Variants in CYYR1 observed in about 807,000 individuals in gnomAD.
CYYR1 encodes cysteine and tyrosine-rich protein 1.
CYYR1 carries 14 observed loss-of-function variants against 15.2 expected under a neutral mutation model. The observed-to-expected ratio is 0.92, with a 90% CI of 0.61 to 1.44. The LOEUF (loss-of-function observed/expected upper bound fraction) is 1.44. Among genes scored for constraint, CYYR1 ranks in the 40% most tolerant of loss-of-function variants. The pLI is 0.00. For missense variants in CYYR1, 228 were observed against 209.5 expected (o/e 1.09, Z -0.54); for synonymous variants, 80 against 77.4 (o/e 1.03, Z -0.18).
rs1324746543 is a variant in CYYR1 at position 26,573,200 on chromosome 21, A to T, written c.-260T>A. 2 of 1,447,070 alleles carry T rather than the reference A, an allele frequency of 1.4e-6. No individual in the cohort carries two copies. Among genetic ancestry groups the T allele is most frequent in the Non-Finnish European group, 1.8e-6 (2 of 1,094,608 alleles). The allele number at this position is 1,447,070 out of a possible 1,614,324, so 89.6% of individuals were successfully genotyped here. ...GGCCCAGGTCTCTTTGTCTCGCCCC[A>T]CTGCGCTCAGGCGCGGGGAAGGCGG... is the stretch of plus-strand genomic sequence containing the variant. On this transcript the variant is annotated 5_prime_UTR_variant, in exon 1 of 4. Coordinates refer to ENST00000652641, the MANE Select transcript of CYYR1 (RefSeq NM_001320768.2).
intron 2 of CYYR1, among the ~76,000 whole-genome samples, chr21:26,544,002 T>C (rs1409124149): frequency 6.6e-6 from 1 of 152,174 alleles, no homozygotes; most frequent in Non-Finnish European, 1.5e-5. Flanking sequence ...TGGAAAGCTA[T>C]TGTGCTCTAT....
intron 2 of CYYR1, among the ~76,000 whole-genome samples, chr21:26,512,590 C>T (rs1601775019): frequency 6.6e-6 from 1 of 152,266 alleles, no homozygotes; most frequent in East Asian, 1.9e-4. Context: ...TAGCTAAGAA[C>T]ATTCTGTTTT....
At chr21:26,471,529 G>A (rs1387596445) in intron 3 of CYYR1, 3 of 152,194 alleles carry the variant, frequency 2.0e-5, no homozygotes, top group Non-Finnish European at 4.4e-5. Context: ...TTTTGGTAAA[G>A]TTCTGATGTA....
intron 2 of CYYR1, among the ~76,000 whole-genome samples, chr21:26,562,727 A>AACACACACACACACACACAC (rs58990363): frequency 7.6e-6 from 1 of 131,612 alleles, no homozygotes; most frequent in African/African-American, 2.9e-5. Flanking sequence ...TCTCCTCCTA[A>AACACACACACACACACACAC]ACACACACAC....
At chr21:26,531,927 A>G (rs924912003) in intron 2 of CYYR1, among the ~76,000 whole-genome samples, 1 of 152,156 alleles carries the variant, frequency 6.6e-6, no homozygotes, top group African/African-American at 2.4e-5. Flanking sequence ...ACTGTTGCCA[A>G]TGCTTGAAAC....
At chr21:26,538,486 A>G (rs1978335894) in intron 2 of CYYR1, among the ~76,000 whole-genome samples, 1 of 152,050 alleles carries the variant, frequency 6.6e-6, no homozygotes, top group Non-Finnish European at 1.5e-5. Context: ...ATTTCTCTCA[A>G]TATTTTAATT....
chr21:26,538,062 T>C (rs950945065), intron 2 of CYYR1, among the ~76,000 whole-genome samples: 41 of 152,318 alleles, frequency 2.7e-4, no homozygotes, highest in Non-Finnish European at 5.1e-4. Context: ...AGAGTAGCGA[T>C]CACCACGGAG....
chr21:26,491,021 C>T (rs554418200), intron 2 of CYYR1, among the ~76,000 whole-genome samples: 1 of 152,252 alleles, frequency 6.6e-6, no homozygotes, highest in African/African-American at 2.4e-5. Context: ...GTGTAGAATG[C>T]TTTCCCTATG....
intron 2 of CYYR1, among the ~76,000 whole-genome samples, chr21:26,495,764 C>T (rs1311191873): frequency 6.6e-6 from 1 of 152,216 alleles, no homozygotes; most frequent in East Asian, 1.9e-4. Flanking sequence ...TTATTTGTTT[C>T]AGCAGCATAA....
intron 1 of CYYR1, among the ~76,000 whole-genome samples, chr21:26,572,070 G>C (rs1981041630): frequency 6.6e-6 from 1 of 152,150 alleles, no homozygotes; most frequent in Non-Finnish European, 1.5e-5. Context: ...GAGGCTCAGG[G>C]GTGAGCCTGC....
At chr21:26,473,814 T>G (rs1452389034) in intron 3 of CYYR1, among the ~76,000 whole-genome samples, 1 of 152,096 alleles carries the variant, frequency 6.6e-6, no homozygotes, top group African/African-American at 2.4e-5. Context: ...ACATCACCTT[T>G]TTACTCTAAT....
intron 2 of CYYR1, among the ~76,000 whole-genome samples, chr21:26,503,931 T>C (rs2065516693): frequency 6.6e-6 from 1 of 152,134 alleles, no homozygotes; most frequent in African/African-American, 2.4e-5. Flanking sequence ...TAAAAACTAT[T>C]CAAAAAGGCT....
chr21:26,483,590 C>G (rs561915026), intron 2 of CYYR1, among the ~76,000 whole-genome samples: 7 of 152,184 alleles, frequency 4.6e-5, no homozygotes, highest in African/African-American at 1.4e-4. Flanking sequence ...GAGCATCAGC[C>G]TCACTGCCAA....
intron 2 of CYYR1, among the ~76,000 whole-genome samples, chr21:26,540,345 G>A (rs940401378): frequency 1.3e-5 from 2 of 152,206 alleles, no homozygotes; most frequent in African/African-American, 2.4e-5. Flanking sequence ...TTTGGCTAAC[G>A]GCATGCCCCA....
chr21:26,534,424 C>T (rs1243495371), intron 2 of CYYR1, among the ~76,000 whole-genome samples: 3 of 152,130 alleles, frequency 2.0e-5, no homozygotes, highest in African/African-American at 4.8e-5. Flanking sequence ...CTCTACCTTG[C>T]TCCATCTTGC....
chr21:26,509,967 A>G (rs995871112), intron 2 of CYYR1, among the ~76,000 whole-genome samples: 1 of 152,202 alleles, frequency 6.6e-6, no homozygotes, highest in Non-Finnish European at 1.5e-5. Flanking sequence ...GATCTTCTTA[A>G]GATGCAGTGT....
intron 2 of CYYR1, among the ~76,000 whole-genome samples, chr21:26,502,755 G>T (rs1314974881): frequency 2.0e-5 from 3 of 151,956 alleles, no homozygotes; most frequent in African/African-American, 4.8e-5. Flanking sequence ...TTGTTTCTAT[G>T]TTGTAATATG....
chr21:26,525,341 T>C (rs151214730), intron 2 of CYYR1, among the ~76,000 whole-genome samples: 44 of 152,304 alleles, frequency 2.9e-4, no homozygotes, highest in Non-Finnish European at 5.1e-4. Flanking sequence ...TTTATTGCAG[T>C]CATTTCATCC....
intron 2 of CYYR1, among the ~76,000 whole-genome samples, chr21:26,534,599 C>A (rs2065973069): frequency 6.6e-6 from 1 of 152,092 alleles, no homozygotes; most frequent in Non-Finnish European, 1.5e-5. Context: ...AGTATCGTTG[C>A]CACTTAACCA....
Sources: gnomAD v4.1 joint callset for allele counts (sites outside exome capture counted in the v4.1 genomes callset) on GRCh38, gnomAD v4.1.1 for gene constraint, MANE v1.5 for transcripts, NCBI Gene and HGNC (gene_info 2026-07-23, HGNC 2026-07-21) for gene names.